Variants in SCN1A observed in about 807,000 individuals in gnomAD.
SCN1A encodes sodium voltage-gated channel alpha subunit 1.
SCN1A carries 13 observed loss-of-function variants against 193.7 expected under a neutral mutation model. That is an observed-to-expected ratio of 0.07 (90% CI 0.04 to 0.11). The LOEUF is 0.11. SCN1A is among the 10% of genes least tolerant of loss of function. The pLI is 1.00. For missense variants in SCN1A, 1,432 were observed against 2,451.1 expected (o/e 0.58, Z 8.78); for synonymous variants, 781 against 843.6 (o/e 0.93, Z 1.29).
At chr2:166,005,689 A>G (rs1292294043) in intron 23 of SCN1A, among the ~76,000 whole-genome samples, 1 of 151,394 alleles carries the variant, frequency 6.6e-6, no homozygotes, top group Non-Finnish European at 1.5e-5. Flanking sequence ...CAAGAGTTCC[A>G]AGCCATTCCT....
intron 9 of SCN1A, 90 bp downstream of exon 9, chr2:166,051,629 G>T: frequency 1.0e-6 from 1 of 985,678 alleles, no homozygotes; most frequent in Non-Finnish European, 1.5e-6. Flanking sequence ...CATGTAAAAT[G>T]GGATATCCAG....
chr2:166,067,779 C>G (rs112682720), intron 4 of SCN1A, among the ~76,000 whole-genome samples: 1,754 of 148,800 alleles, frequency 0.012, 37 homozygotes, highest in African/African-American at 0.039. Flanking sequence ...AATCTCTGCC[C>G]CACTGTCTTC....
intron 2 of SCN1A, among the ~76,000 whole-genome samples, chr2:166,120,981 T>A (rs1323988158): frequency 6.6e-6 from 1 of 151,904 alleles, no homozygotes; most frequent in Non-Finnish European, 1.5e-5. Context: ...GGGGATAGTT[T>A]GGTGGAAATG....
chr2:166,009,858 A>G lies in SCN1A; in HGVS notation c.3880-17T>C, dbSNP rs1283023318. 9.4e-6 allele frequency: 15 copies of G among 1,602,212 alleles called. No homozygotes were observed. Among genetic ancestry groups the G allele is most frequent in the Non-Finnish European group, 1.3e-5 (15 of 1,171,312 alleles). On this transcript the variant is annotated splice_polypyrimidine_tract_variant and intron_variant, in intron 22 of 28. Transcript: ENST00000674923. ...CAATGAAACCTGCACACACAAAAAT[A>G]ATAACAATTAATAAACAGAATCATC... is the stretch of plus-strand genomic sequence containing the variant.
At chr2:166,042,181 C>T (rs1400541723) in intron 15 of SCN1A, 111 bp downstream of exon 15, 1 of 1,044,972 alleles carries the variant, frequency 9.6e-7, no homozygotes, top group South Asian at 1.5e-5. Context: ...TTGAATTAGA[C>T]TGTCTTTTCA....
intron 4 of SCN1A, among the ~76,000 whole-genome samples, chr2:166,070,316 T>G (rs1684282592): frequency 6.6e-6 from 1 of 152,176 alleles, no homozygotes; most frequent in African/African-American, 2.4e-5. Flanking sequence ...CATTTGAAGA[T>G]TTGCTTGCTG....
intron 6 of SCN1A, 56 bp downstream of exon 6, chr2:166,056,345 TACATTAAGAC>T (rs1699124464): frequency 1.0e-6 from 1 of 998,854 alleles, no homozygotes; most frequent in Non-Finnish European, 1.6e-6. Context: ...ATTTTAAGAC[TACATTAAGAC>T]ACAGTTTCAA....
chr2:166,068,228 T>C (rs941434553), intron 4 of SCN1A, among the ~76,000 whole-genome samples: 2 of 152,224 alleles, frequency 1.3e-5, no homozygotes, highest in Non-Finnish European at 2.9e-5. Flanking sequence ...AAGTTGTTTC[T>C]GTTGGGTTTT....
At chr2:166,096,618 A>G (rs1200967066) in intron 2 of SCN1A, among the ~76,000 whole-genome samples, 1 of 152,210 alleles carries the variant, frequency 6.6e-6, no homozygotes, top group Non-Finnish European at 1.5e-5. Flanking sequence ...ATACATGTAT[A>G]GATATGCAAA....
chr2:166,110,039 A>G (rs1689126425), intron 2 of SCN1A, among the ~76,000 whole-genome samples: 1 of 152,198 alleles, frequency 6.6e-6, no homozygotes, highest in African/African-American at 2.4e-5. Flanking sequence ...TGTTTGTAAC[A>G]CAAAGTAATG....
chr2:166,070,061 A>G (rs1252658965), intron 4 of SCN1A, among the ~76,000 whole-genome samples: 8 of 152,234 alleles, frequency 5.3e-5, no homozygotes, highest in Non-Finnish European at 1.0e-4. Flanking sequence ...AAGCATTCCA[A>G]CTTTAGTCAG....
chr2:166,104,398 C>T (rs373717268), intron 2 of SCN1A: 58 of 152,250 alleles, frequency 3.8e-4, no homozygotes, highest in African/African-American at 1.4e-3. Flanking sequence ...TGTCCCTAAT[C>T]ACCTCTGTGA....
chr2:166,012,303 A>G (rs778050825), intron 21 of SCN1A, 21 bp from the exon 22 acceptor site: 13 of 1,574,096 alleles, frequency 8.3e-6, no homozygotes, highest in Non-Finnish European at 1.1e-5. Context: ...AATGTTACAC[A>G]TTATTAGCTT....
At chr2:166,067,798 C>T (rs1329280036) in intron 4 of SCN1A, among the ~76,000 whole-genome samples, 1 of 147,460 alleles carries the variant, frequency 6.8e-6, no homozygotes, top group Non-Finnish European at 1.5e-5. Context: ...TCCCATGTGG[C>T]TTGGTGGAGC....
chr2:166,001,289 G>A (rs1418361343), intron 24 of SCN1A, among the ~76,000 whole-genome samples: 1 of 151,484 alleles, frequency 6.6e-6, no homozygotes, highest in Non-Finnish European at 1.5e-5. Context: ...TGCCCCACCC[G>A]TTCTTACCAG....
chr2:166,148,729 C>G (rs2106313450), intron 1 of SCN1A, among the ~76,000 whole-genome samples: 1 of 152,302 alleles, frequency 6.6e-6, no homozygotes, highest in South Asian at 2.1e-4. Flanking sequence ...CAGTAAATCT[C>G]TTTGAGCTAA....
At chr2:166,124,786 T>A (rs2106265267) in intron 2 of SCN1A, among the ~76,000 whole-genome samples, 1 of 152,316 alleles carries the variant, frequency 6.6e-6, no homozygotes, top group East Asian at 1.9e-4. Context: ...CTGCTTGGAT[T>A]CTGCCACTTA....
At chr2:166,120,336 A>G (rs1466065726) in intron 2 of SCN1A, among the ~76,000 whole-genome samples, 1 of 151,496 alleles carries the variant, frequency 6.6e-6, no homozygotes, top group Non-Finnish European at 1.5e-5. Context: ...TAACTATTAT[A>G]TTATCTTCAG....
intron 2 of SCN1A, among the ~76,000 whole-genome samples, chr2:166,078,463 ATAGT>A (rs1379877425): frequency 5.3e-5 from 8 of 150,390 alleles, no homozygotes; most frequent in African/African-American, 1.5e-4. Context: ...CGAGATATTG[ATAGT>A]TGGGGGAGGC....
Sources: allele counts gnomAD v4.1 joint callset (sites outside exome capture counted in the v4.1 genomes callset), GRCh38; gene constraint gnomAD v4.1.1; transcripts MANE v1.5; gene names NCBI Gene and HGNC (gene_info 2026-07-23, HGNC 2026-07-21).